IFI27: variants seen among roughly 807,000 people sequenced by gnomAD.
IFI27 encodes the protein interferon alpha inducible protein 27.
IFI27 carries 3 observed loss-of-function variants against 8.9 expected under a neutral mutation model. The ratio of observed to expected loss-of-function variants is 0.34; its 90% CI spans 0.15 to 0.87. The LOEUF (loss-of-function observed/expected upper bound fraction) is 0.87. Ranked by LOEUF, IFI27 falls within the 40% of genes least tolerant of loss-of-function variation. The pLI is 0.51. For missense variants in IFI27, 152 were observed against 157.7 expected, an observed-to-expected ratio of 0.96 and a Z score of 0.19; for synonymous variants, 66 against 67.3, an observed-to-expected ratio of 0.98 and a Z score of 0.09.
chr14:94,108,729 T>G (rs978476369), upstream of IFI27, among the ~76,000 whole-genome samples: 1 of 149,924 alleles, frequency 6.7e-6, no homozygotes. Context: ...AACCAACATA[T>G]TGATGTCACA....
chr14:94,116,059 T>C lies in IFI27; in HGVS notation c.283+117T>C. The C allele has an allele frequency of 9.2e-7, 1 of 1,082,270 alleles. No individual in the cohort carries two copies. Among genetic ancestry groups the C allele is most frequent in the Non-Finnish European group, 1.4e-6 (1 of 730,206 alleles). 67.0% of individuals were successfully genotyped at this position (1,082,270 alleles called of 1,614,324 possible). On this transcript the variant is annotated intron_variant, in intron 4 of 4. Coordinates refer to ENST00000621160, the Ensembl canonical transcript of IFI27. This position sits in a 1 kb window ranked among gnomAD's most constrained non-coding sequence, Gnocchi z 4.3. ...ATCTCCCTGTTCCTCTGTCTCTCTC[T>C]ACACATTCTCTCAGGGTTTCTCTGA...
upstream of IFI27, among the ~76,000 whole-genome samples, chr14:94,107,172 C>A (rs1464631451): frequency 6.6e-6 from 1 of 152,118 alleles, no homozygotes; most frequent in Admixed American, 6.5e-5. Context: ...CGGGTTCAAG[C>A]AATTCTCCTG....
chr14:94,111,647 C>G lies in IFI27; in HGVS notation c.-36C>G. ...CAGGTCTGGCTGAAGTTGAGGATCT[C>G]TTACTCTCTAGGCCACGGAATTAAC... On this transcript the variant is annotated 5_prime_UTR_variant, in exon 2 of 5. Coordinates refer to ENST00000621160, the Ensembl canonical transcript of IFI27. The surrounding 1 kb of genome is among the most constrained non-coding windows in gnomAD (Gnocchi z 4.3). 3 of 1,573,940 alleles carry G rather than the reference C, an allele frequency of 1.9e-6. No individual in the cohort carries two copies. Among genetic ancestry groups the G allele is most frequent in the African/African-American group, 1.3e-5 (1 of 74,194 alleles).
rs565530992 is a variant in IFI27, at chr14:94,116,660, G to A, written c.*133G>A. On this transcript the variant is annotated 3_prime_UTR_variant, in exon 5 of 5. Coordinates refer to ENST00000621160, the Ensembl canonical transcript of IFI27. The surrounding 1 kb of genome is among the most constrained non-coding windows in gnomAD (Gnocchi z 4.3). ...TATACCAAATTCTGCATCTCCAGAG[G>A]AAAATAAGAAATAAAGATGAATTGT... 4.1e-5 allele frequency: 27 copies of A among 663,194 alleles called. No individual in the cohort carries two copies. In the East Asian group the frequency reaches 6.8e-4, roughly 17 times the overall value. 41.1% of individuals were successfully genotyped at this position (663,194 alleles called of 1,614,324 possible).
upstream of IFI27, among the ~76,000 whole-genome samples, chr14:94,108,764 AAGAG>A (rs1372371123): frequency 2.0e-5 from 3 of 151,874 alleles, no homozygotes; most frequent in South Asian, 2.1e-4. Flanking sequence ...AAAAAAAAAA[AAGAG>A]AGAGAGGGAG....
upstream of IFI27, among the ~76,000 whole-genome samples, chr14:94,107,433 ACTCT>A: frequency 6.6e-6 from 1 of 152,064 alleles, no homozygotes; most frequent in East Asian, 1.9e-4. Flanking sequence ...TTTTTGGTAT[ACTCT>A]GAATGTTTAC....
intron 3 of IFI27, chr14:94,115,180 G>A: frequency 1.5e-6 from 1 of 657,798 alleles, no homozygotes; most frequent in Non-Finnish European, 2.8e-6. Context: ...GAACTCCTCT[G>A]AGCTCCTGTT....
chr14:94,113,847 G>A (rs2268951), intron 2 of IFI27: 66,368 of 152,064 alleles, frequency 0.44, 15,467 homozygotes, highest in Non-Finnish European at 0.54. Context: ...TCATACCTGC[G>A]TCTCTTTACT....
In IFI27 at chr14:94,111,332, T is replaced by G. The variant is rs768517919; in HGVS notation, c.-58-293T>G. On this transcript the variant is annotated intron_variant, in intron 1 of 4. Coordinates refer to ENST00000621160, the Ensembl canonical transcript of IFI27. This position sits in a 1 kb window ranked among gnomAD's most constrained non-coding sequence, Gnocchi z 4.3. ...CTTTTTCAATTGCTCCGTGGAGAGA[T>G]AAGGGAGTCCCGGAAGTGTCTAAGA... Among the ~76,000 whole-genome samples the G allele has an allele frequency of 6.6e-6, 1 of 152,168 alleles. No homozygotes were observed. Among genetic ancestry groups the G allele is most frequent in the Non-Finnish European group, 1.5e-5 (1 of 68,028 alleles).
chr14:94,114,818 G>A (rs762920079), intron 2 of IFI27, 33 bp from the exon 3 acceptor site: 12 of 1,613,554 alleles, frequency 7.4e-6, no homozygotes, highest in Non-Finnish European at 1.0e-5. Context: ...AGCCAGTGTG[G>A]ATCTACTCAC....
intron 2 of IFI27, chr14:94,114,363 C>G (rs1005873755): frequency 1.2e-5 from 2 of 162,316 alleles, no homozygotes; most frequent in Admixed American, 6.0e-5. Flanking sequence ...AGCTAACAGC[C>G]CTGCTCAGAA....
chr14:94,107,843 C>CT (rs936039411), upstream of IFI27, among the ~76,000 whole-genome samples: 1 of 152,024 alleles, frequency 6.6e-6, no homozygotes, highest in Non-Finnish European at 1.5e-5. Context: ...GGAGGAATTT[C>CT]TTTTTTTTAA....
At chr14:94,108,627 G>T (rs574211285), upstream of IFI27, among the ~76,000 whole-genome samples, 13 of 152,080 alleles carry the variant, frequency 8.5e-5, no homozygotes, top group African/African-American at 2.7e-4. Flanking sequence ...CTGCCTCCCC[G>T]GGGGCCCTTC....
chr14:94,111,624 G>A lies in IFI27; in HGVS notation c.-58-1G>A. ...TCCTCAGAGCTCCATCCCTTCGGCA[G>A]GTCTGGCTGAAGTTGAGGATCTCTT... On this transcript the variant is annotated splice_acceptor_variant, in intron 1 of 4. Transcript: ENST00000621160. LOFTEE classifies it low-confidence loss of function (5UTR_SPLICE). The surrounding 1 kb of genome is among the most constrained non-coding windows in gnomAD (Gnocchi z 4.3). 7.1e-7 allele frequency: 1 copy of A among 1,406,374 alleles called. No individual in the cohort carries two copies. The allele number at this position is 1,406,374 out of a possible 1,614,324, so 87.1% of individuals were successfully genotyped here.
intron 2 of IFI27, chr14:94,113,443 A>C (rs1466452600): frequency 6.6e-6 from 1 of 152,282 alleles, no homozygotes; most frequent in Non-Finnish European, 1.5e-5. Flanking sequence ...CAGAGGTTGC[A>C]GTGAGCCGAG....
At position 94,111,808 on chromosome 14, in the gene IFI27, G is replaced by A. The variant is rs749744817; in HGVS notation, c.91+35G>A. On this transcript the variant is annotated intron_variant, in intron 2 of 4. Transcript: ENST00000621160. The surrounding 1 kb of genome is among the most constrained non-coding windows in gnomAD (Gnocchi z 4.3). The stretch of plus-strand genomic sequence containing the variant: ...CCTGGGAGGGGCTGGTGCTGGGGGC[G>A]AGGAGGCGGCTGGGAAGGGCGGGGG... 17 of 1,538,398 alleles carry A rather than the reference G, an allele frequency of 1.1e-5. No homozygotes were observed. Among genetic ancestry groups the A allele is most frequent in the Middle Eastern group, 3.5e-4 (2 of 5,662 alleles).
chr14:94,106,208 T>G (rs1887012867), upstream of IFI27, among the ~76,000 whole-genome samples: 1 of 152,162 alleles, frequency 6.6e-6, no homozygotes, highest in African/African-American at 2.4e-5. Flanking sequence ...CTCTCCTGAT[T>G]TAGTCACCTC....
Position 94,114,756 on chromosome 14 carries a change from G to C in IFI27, c.92-95G>C, listed in dbSNP as rs748130817. 3.7e-4 allele frequency: 510 copies of C among 1,366,580 alleles called. 1 individual carries two copies. Among genetic ancestry groups the C allele is most frequent in the Admixed American group, 6.3e-4 (37 of 58,530 alleles). 84.7% of individuals were successfully genotyped at this position (1,366,580 alleles called of 1,614,324 possible). On this transcript the variant is annotated intron_variant, in intron 2 of 4. Coordinates refer to ENST00000621160, the Ensembl canonical transcript of IFI27. ...CCCTTCTTGTGGCTCCCAACCTGGG[G>C]CAGCCCCCTGCCTCCCTTTAGATGG...
At chr14:94,115,130 C>T (rs1310420934) in intron 3 of IFI27, among the ~76,000 whole-genome samples, 2 of 152,216 alleles carry the variant, frequency 1.3e-5, no homozygotes, top group Admixed American at 6.5e-5. Context: ...GCCATTTCCC[C>T]TTGGCAGAAC....
Sources: gnomAD v4.1 joint callset for allele counts (sites outside exome capture counted in the v4.1 genomes callset) on GRCh38, gnomAD v4.1.1 for gene constraint, Gnocchi (gnomAD v3.1) non-coding constraint, MANE v1.5 for transcripts, NCBI Gene and HGNC (gene_info 2026-07-23, HGNC 2026-07-21) for gene names.